ADPRHL1: variants seen among roughly 807,000 people sequenced by gnomAD.
The protein encoded by ADPRHL1 is inactive ADP-ribosyltransferase ARH2.
Under a neutral mutation model 44.1 loss-of-function variants are expected in ADPRHL1, and 43 were observed. The ratio of observed to expected loss-of-function variants is 0.98; its 90% confidence interval spans 0.76 to 1.26. The LOEUF (loss-of-function observed/expected upper bound fraction) is 1.26, where lower values mean the gene tolerates loss of function less well. Among genes scored for constraint, ADPRHL1 ranks in the 50% most tolerant of loss-of-function variants. The pLI is 0.00. For synonymous variants in ADPRHL1, 878 were observed against 1,017.4 expected (o/e 0.86, Z 2.61); for missense variants, 2,022 against 2,496.9 (o/e 0.81, Z 4.05).
rs1224668092 is a variant in ADPRHL1 at position 113,404,373 on chromosome 13, G to A, written c.4909C>T (p.Gln1637Ter). ...WAQEQTQKGA[Q>*]ERVQGQAQKG... is the part of the protein sequence containing the mutation. ...TGGGCCTGACCCTGAACCCGTTCCT[G>A]AGCCCCTTTCTGGGTCTGTTCCTGA... is the stretch of plus-strand genomic sequence containing the variant. The change falls in exon 8 of 8, where the codon CAG becomes TAG. Residue 1637 changes from glutamine to a stop codon, truncating the protein, a stop_gained. Coordinates refer to ENST00000612156, the MANE Select transcript of ADPRHL1 (RefSeq NM_001394807.1). LOFTEE classifies it low-confidence loss of function (END_TRUNC). 1.4e-5 allele frequency: 18 copies of A among 1,326,952 alleles called. No homozygotes were observed. Among genetic ancestry groups the A allele is most frequent in the Non-Finnish European group, 1.7e-5 (18 of 1,046,720 alleles). 82.2% of individuals were successfully genotyped at this position (1,326,952 alleles called of 1,614,324 possible). A position where few individuals can be genotyped will look rare whatever the true frequency, so the allele number is the denominator to read the frequency against.
chr13:113,424,341 C>G lies in ADPRHL1; in HGVS notation c.783G>C (p.Arg261Ser). Reference sequence around the variant, plus strand: ...CCCCTCGACCTTCCGAGCTCCACTTCCTGTAGGTCTGACAAGAGAGCCGTG... The same window carrying G: ...CCCCTCGACCTTCCGAGCTCCACTTGCTGTAGGTCTGACAAGAGAGCCGTG... ...YDAEEREKTY[R>S]KWSSEGRGGR... The change falls in exon 6 of 8, where the codon AGG becomes AGC. Residue 261 changes from arginine (R) to serine (S), a missense_variant. Coordinates refer to ENST00000612156, the MANE Select transcript of ADPRHL1 (RefSeq NM_001394807.1). The G allele has an allele frequency of 6.2e-7, 1 of 1,612,788 alleles. No homozygotes were observed.
chr13:113,435,907 T>A (rs1442618677), intron 2 of ADPRHL1, among the ~76,000 whole-genome samples: 5 of 130,510 alleles, frequency 3.8e-5, no homozygotes, highest in African/African-American at 1.5e-4. Flanking sequence ...AGCACCCAGG[T>A]GTAGGGTGAA....
chr13:113,401,227 G>T lies in ADPRHL1; in HGVS notation c.*2151C>A, dbSNP rs1410652242. The T allele has an allele frequency of 2.0e-5, 3 of 152,176 alleles. No homozygotes were observed. Among genetic ancestry groups the T allele is most frequent in the African/African-American group, 7.2e-5 (3 of 41,444 alleles). The allele number at this position is 152,176 out of a possible 1,614,324, so 9.4% of individuals were successfully genotyped here. A position where few individuals can be genotyped will look rare whatever the true frequency, so the allele number is the denominator to read the frequency against. ...ACAGGACAAAGAGGCCACTCTGTCA[G>T]CCTCTGCTGGACCCCTGAGCTCCCC... On this transcript the variant is annotated 3_prime_UTR_variant, in exon 8 of 8. Coordinates refer to ENST00000612156, the MANE Select transcript of ADPRHL1 (RefSeq NM_001394807.1). The surrounding 1 kb of genome is among the most constrained non-coding windows in gnomAD (Gnocchi z 5.5).
chr13:113,418,351 G>A (rs936097174), intron 7 of ADPRHL1, among the ~76,000 whole-genome samples: 3 of 152,196 alleles, frequency 2.0e-5, no homozygotes, highest in South Asian at 2.1e-4. Flanking sequence ...GCTGGGCTTC[G>A]CCACTTCCTC....
intron 2 of ADPRHL1, among the ~76,000 whole-genome samples, chr13:113,440,516 C>T (rs1023553529): frequency 6.6e-6 from 1 of 150,478 alleles, no homozygotes; most frequent in African/African-American, 2.4e-5. Context: ...AGTGCAGTGG[C>T]ACGATCTCAG....
chr13:113,412,156 G>A (rs541936268), intron 7 of ADPRHL1, among the ~76,000 whole-genome samples: 1 of 152,150 alleles, frequency 6.6e-6, no homozygotes, highest in Non-Finnish European at 1.5e-5. Flanking sequence ...GGCACATCCC[G>A]GGTGACTACT....
Position 113,409,760 on chromosome 13 carries a change from G to T in ADPRHL1, c.1062-1540C>A, listed in dbSNP as rs574037858. On this transcript the variant is annotated intron_variant, in intron 7 of 7. Transcript: ENST00000612156. This position sits in a 1 kb window ranked among gnomAD's most constrained non-coding sequence, Gnocchi z 4.2. ...AAAAATCAGCCGGGCGTGGTGGCGGGCGCCTGTAGTCCCAGCTACTTGGGA... is the reference window on the plus strand; with the variant it reads ...AAAAATCAGCCGGGCGTGGTGGCGGTCGCCTGTAGTCCCAGCTACTTGGGA... The T allele has an allele frequency of 1.6e-6, 1 of 634,996 alleles. No individual in the cohort carries two copies. Among genetic ancestry groups the T allele is most frequent in the South Asian group, 7.0e-5 (1 of 14,332 alleles). 39.3% of individuals were successfully genotyped at this position (634,996 alleles called of 1,614,324 possible). A position where few individuals can be genotyped will look rare whatever the true frequency, so the allele number is the denominator to read the frequency against.
intron 7 of ADPRHL1, among the ~76,000 whole-genome samples, chr13:113,421,646 C>G (rs964383012): frequency 6.6e-6 from 1 of 152,204 alleles, no homozygotes; most frequent in African/African-American, 2.4e-5. Context: ...TGGCCCCCAC[C>G]TGTGAAGTCC....
chr13:113,434,422 G>A (rs1157564124), intron 2 of ADPRHL1, among the ~76,000 whole-genome samples: 1 of 150,924 alleles, frequency 6.6e-6, no homozygotes, highest in African/African-American at 2.4e-5. Flanking sequence ...TGTACCCTGG[G>A]ACCCAGCACC....
intron 2 of ADPRHL1, among the ~76,000 whole-genome samples, chr13:113,443,196 T>A (rs1452802593): frequency 6.6e-6 from 1 of 152,238 alleles, no homozygotes; most frequent in Non-Finnish European, 1.5e-5. Flanking sequence ...ATTCTTTGCA[T>A]GCCTCATATG....
At chr13:113,443,912 C>T (rs568756422) in intron 2 of ADPRHL1, among the ~76,000 whole-genome samples, 1 of 149,422 alleles carries the variant, frequency 6.7e-6, no homozygotes, top group South Asian at 2.1e-4. Flanking sequence ...CACTGCACTC[C>T]AGCCTAGATG....
chr13:113,442,815 C>T (rs184317957), intron 2 of ADPRHL1, among the ~76,000 whole-genome samples: 1 of 152,332 alleles, frequency 6.6e-6, no homozygotes, highest in East Asian at 1.9e-4. Flanking sequence ...GCTGAGGACG[C>T]AGACACATGC....
rs990658927 is a variant in ADPRHL1 at position 113,403,302 on chromosome 13, A to G, written c.*76T>C. 1 of 1,175,594 alleles carries G rather than the reference A, an allele frequency of 8.5e-7. No individual in the cohort carries two copies. The allele number at this position is 1,175,594 out of a possible 1,614,324, so 72.8% of individuals were successfully genotyped here. ...AGGGGATGCTCCAAGACGCATTTGG[A>G]GGCAGGAAAATGCCTGAAGTCCCTC... On this transcript the variant is annotated 3_prime_UTR_variant, in exon 8 of 8. Transcript: ENST00000612156.
In ADPRHL1 at chr13:113,405,174, G is replaced by T. The variant is rs1301054143; in HGVS notation, c.4108C>A (p.Arg1370Ser). Residue 1370 changes from arginine (R) to serine (S), a missense_variant, in exon 8 of 8, where the codon CGT (arginine) becomes AGT (serine). Arg to Ser is a moderately radical substitution (Grantham distance 110). This residue lies in a region of ADPRHL1 where 1,221 missense variants were observed against 1,517.8 expected (regional missense o/e 0.80). Transcript: ENST00000612156. ...PRTQAGESQE[R>S]PLTQADLGRQ... ...CCCAGGTCCGCCTGTGTCAGGGGAC[G>T]CTCCTGGGATTCACCTGCCTGCGTC... 9 of 1,231,820 alleles carry T rather than the reference G, an allele frequency of 7.3e-6. No individual in the cohort carries two copies. Among genetic ancestry groups the T allele is most frequent in the African/African-American group, 1.6e-5 (1 of 64,436 alleles). 76.3% of individuals were successfully genotyped at this position (1,231,820 alleles called of 1,614,324 possible).
chr13:113,403,683 G>A lies in ADPRHL1; in HGVS notation c.5599C>T (p.Arg1867Cys), dbSNP rs1384870211. 3.2e-6 allele frequency: 4 copies of A among 1,231,880 alleles called. No homozygotes were observed. Among genetic ancestry groups the A allele is most frequent in the Non-Finnish European group, 4.0e-6 (4 of 988,170 alleles). The allele number at this position is 1,231,880 out of a possible 1,614,324, so 76.3% of individuals were successfully genotyped here. Residue 1867 changes from arginine to cysteine, a missense_variant, in exon 8 of 8, where the codon CGC becomes TGC. Transcript: ENST00000612156. ...GCAATGCTCTTGCCCCTGAGGGGGC[G>A]GCTTCCTGGGGGTGGGTACCCGGCG... ...PSAGYPPPGSRPLRGKSIATS... is the reference protein window; with the variant it reads ...PSAGYPPPGSCPLRGKSIATS...
intron 7 of ADPRHL1, among the ~76,000 whole-genome samples, chr13:113,417,139 C>T (rs1275026741): frequency 6.6e-6 from 1 of 152,220 alleles, no homozygotes; most frequent in Non-Finnish European, 1.5e-5. Flanking sequence ...CTTTGCGGAA[C>T]CCCGGATGCA....
At chr13:113,428,241 T>C (rs1313606082) in intron 4 of ADPRHL1, among the ~76,000 whole-genome samples, 1 of 11,422 alleles carries the variant, frequency 8.8e-5, no homozygotes, top group African/African-American at 2.1e-4. Flanking sequence ...AGATTCCATC[T>C]CAAAAAAAAA....
In ADPRHL1 at chr13:113,406,321, A is replaced by C. The variant is rs1023885159; in HGVS notation, c.2961T>G (p.His987Gln). 35 of 1,232,110 alleles carry C rather than the reference A, an allele frequency of 2.8e-5. No individual in the cohort carries two copies. The highest frequency in any genetic ancestry group is 3.4e-5 in the Non-Finnish European group (34 of 987,970). The allele number at this position is 1,232,110 out of a possible 1,614,324, so 76.3% of individuals were successfully genotyped here. The change falls in exon 8 of 8, where the codon CAT (histidine) becomes CAG (glutamine). Residue 987 changes from histidine (H) to glutamine (Q), a missense_variant. Around this residue, in one of 8 missense-constraint regions of ADPRHL1, gnomAD observed 1,221 missense variants for 1,517.8 expected, o/e 0.80. Transcript: ENST00000612156. ...ERTSELRDVK[H>Q]PLPESNEISM... The stretch of plus-strand genomic sequence containing the variant: ...ATATTTCATTAGATTCCGGCAACGG[A>C]TGCTTCACATCTCTGAGCTCAGAGG...
rs2043768514 is a variant in ADPRHL1, at chr13:113,402,357, T to C, written c.*1021A>G. On this transcript the variant is annotated 3_prime_UTR_variant, in exon 8 of 8. Coordinates refer to ENST00000612156, the MANE Select transcript of ADPRHL1 (RefSeq NM_001394807.1). ...TAGTCCAGAGTAGCAACAAAAACCA[T>C]CTCGAGGCAATGTGACCACAGGTGG... 6.6e-6 allele frequency: 1 copy of C among 152,126 alleles called. No homozygotes were observed. The highest frequency in any genetic ancestry group is 2.1e-4 in the South Asian group (1 of 4,836). The allele number at this position is 152,126 out of a possible 1,614,324, so 9.4% of individuals were successfully genotyped here. A position where few individuals can be genotyped will look rare whatever the true frequency, so the allele number is the denominator to read the frequency against.
Sources: gnomAD v4.1 joint callset for allele counts (sites outside exome capture counted in the v4.1 genomes callset) on GRCh38, gnomAD v4.1.1 for gene constraint, gnomAD v4.1.1 regional missense constraint, Gnocchi (gnomAD v3.1) non-coding constraint, MANE v1.5 for transcripts, NCBI Gene and HGNC (gene_info 2026-07-23, HGNC 2026-07-21) for gene names.